SCAMP1: variants seen among roughly 807,000 people sequenced by gnomAD.
SCAMP1 encodes secretory carrier membrane protein 1.
In SCAMP1, 15 loss-of-function variants were observed where a neutral mutation model predicts 41.8. The observed-to-expected ratio is 0.36, with a 90% CI of 0.24 to 0.55. The LOEUF (loss-of-function observed/expected upper bound fraction) is 0.55, where lower values mean the gene tolerates loss of function less well. Among genes scored for constraint, SCAMP1 ranks in the 20% least tolerant of loss-of-function variants. The pLI, the probability that SCAMP1 is intolerant of heterozygous loss-of-function variation, is 0.86. For missense variants in SCAMP1, 341 were observed against 412.6 expected (o/e 0.83, Z 1.50); for synonymous variants, 135 against 136.8 (o/e 0.99, Z 0.09).
chr5:78,463,904 C>T (rs1456861164), intron 8 of SCAMP1, among the ~76,000 whole-genome samples: 2 of 151,466 alleles, frequency 1.3e-5, no homozygotes, highest in African/African-American at 4.9e-5. Flanking sequence ...TGAATACCTA[C>T]TAATGAGATG....
intron 6 of SCAMP1, 41 bp from the exon 7 acceptor site, chr5:78,449,892 C>T (rs751805066): frequency 8.8e-7 from 1 of 1,138,984 alleles, no homozygotes; most frequent in African/African-American, 1.6e-5. Context: ...TTTCTCTCCC[C>T]CTAACCCCCT....
At chr5:78,459,455 A>G (rs1753527261) in intron 8 of SCAMP1, 93 bp downstream of exon 8, 1 of 657,840 alleles carries the variant, frequency 1.5e-6, no homozygotes, top group Non-Finnish European at 2.7e-6. Context: ...ACCTGAAGCC[A>G]TTTTATCGTT....
intron 2 of SCAMP1, among the ~76,000 whole-genome samples, chr5:78,403,950 CAAAAAAAAAAAAAAA>C (rs61249151): frequency 4.1e-5 from 2 of 49,346 alleles, no homozygotes; most frequent in African/African-American, 8.2e-5. Flanking sequence ...GACTCTGTCT[CAAAAAAAAAAAAAAA>C]AAAAAAAAAA....
intron 2 of SCAMP1, among the ~76,000 whole-genome samples, chr5:78,410,111 CTT>C (rs1471931122): frequency 7.4e-6 from 1 of 135,484 alleles, no homozygotes; most frequent in Non-Finnish European, 1.6e-5. Flanking sequence ...GCCGGGAACT[CTT>C]TTTCTTTTTT....
intron 6 of SCAMP1, among the ~76,000 whole-genome samples, chr5:78,437,674 CT>C (rs1421399214): frequency 6.6e-6 from 1 of 152,076 alleles, no homozygotes; most frequent in South Asian, 2.1e-4. Flanking sequence ...CTAAAATTCT[CT>C]TTTTTTGTGT....
At chr5:78,461,527 G>A (rs1440978056) in intron 8 of SCAMP1, among the ~76,000 whole-genome samples, 2 of 152,118 alleles carry the variant, frequency 1.3e-5, no homozygotes, top group Non-Finnish European at 2.9e-5. Flanking sequence ...CGATTGGTCT[G>A]TTTTTGTACT....
chr5:78,371,073 T>C lies in SCAMP1; in HGVS notation c.57+10345T>C, dbSNP rs544206378. ...TTTATATATCCTGGATACATACCTT[T>C]ATCAGGTATGTGATTTGTGACTTTT... On this transcript the variant is annotated intron_variant, in intron 1 of 8. Coordinates refer to ENST00000621999, the MANE Select transcript of SCAMP1 (RefSeq NM_004866.6). Among the ~76,000 whole-genome samples, 8 of 152,326 alleles carry C rather than the reference T, an allele frequency of 5.3e-5. No individual in the cohort carries two copies. The East Asian group carries it at 1.3e-3, about 26-fold the overall frequency.
chr5:78,429,814 T>C (rs1428209520), intron 6 of SCAMP1, among the ~76,000 whole-genome samples: 1 of 152,054 alleles, frequency 6.6e-6, no homozygotes, highest in African/African-American at 2.4e-5. Context: ...ACTTCCTCAT[T>C]CTGTCATGCT....
At chr5:78,450,316 T>C (rs1352507831) in intron 7 of SCAMP1, among the ~76,000 whole-genome samples, 2 of 151,992 alleles carry the variant, frequency 1.3e-5, no homozygotes, top group Admixed American at 1.3e-4. Context: ...GAGACTGAGG[T>C]GGTCAGAGAG....
intron 6 of SCAMP1, among the ~76,000 whole-genome samples, chr5:78,424,546 A>G (rs548427723): frequency 1.2e-4 from 19 of 152,262 alleles, no homozygotes; most frequent in East Asian, 3.9e-4. Flanking sequence ...CCTGGCCAAC[A>G]TGGTGAAACT....
intron 1 of SCAMP1, among the ~76,000 whole-genome samples, chr5:78,365,496 A>AAAG (rs1750773122): frequency 6.6e-6 from 1 of 151,304 alleles, no homozygotes; most frequent in African/African-American, 2.4e-5. Flanking sequence ...AAAAAAAAAA[A>AAAG]AAGTTCTGTT....
chr5:78,418,234 C>T (rs1752256841), intron 4 of SCAMP1, among the ~76,000 whole-genome samples: 1 of 151,796 alleles, frequency 6.6e-6, no homozygotes, highest in African/African-American at 2.4e-5. Context: ...TATTTTTTCC[C>T]AGATTTTGAG....
At chr5:78,472,027 G>A (rs773221179) in intron 8 of SCAMP1, among the ~76,000 whole-genome samples, 2 of 151,880 alleles carry the variant, frequency 1.3e-5, no homozygotes, top group Non-Finnish European at 2.9e-5. Context: ...TAGTATTTAA[G>A]TTGTTTAATT....
At chr5:78,443,311 C>T (rs1752973850) in intron 6 of SCAMP1, among the ~76,000 whole-genome samples, 1 of 151,794 alleles carries the variant, frequency 6.6e-6, no homozygotes, top group Non-Finnish European at 1.5e-5. Context: ...ATTATTTGAC[C>T]TCTCTAAATC....
intron 1 of SCAMP1, among the ~76,000 whole-genome samples, chr5:78,372,483 A>C (rs1344882947): frequency 6.6e-6 from 1 of 152,172 alleles, no homozygotes; most frequent in Admixed American, 6.6e-5. Flanking sequence ...TCAGGGATTC[A>C]TCCCCTGCTA....
At chr5:78,460,081 A>G (rs779708242) in intron 8 of SCAMP1, among the ~76,000 whole-genome samples, 17 of 152,250 alleles carry the variant, frequency 1.1e-4, no homozygotes, top group Non-Finnish European at 2.1e-4. Flanking sequence ...TACGAAGGAC[A>G]TAATTTCATT....
Position 78,478,140 on chromosome 5 carries a change from G to C in SCAMP1, c.*2472G>C, listed in dbSNP as rs965297847. On this transcript the variant is annotated 3_prime_UTR_variant, in exon 9 of 9. Coordinates refer to ENST00000621999, the MANE Select transcript of SCAMP1 (RefSeq NM_004866.6). ...ATATTTTGTCAGTAACTAATACTGC[G>C]CTGCCATCATGGTGACTGTCATGGT... 6.6e-6 allele frequency: 1 copy of C among 152,504 alleles called. No individual in the cohort carries two copies. The highest frequency in any genetic ancestry group is 6.5e-5 in the Admixed American group (1 of 15,268). The allele number at this position is 152,504 out of a possible 1,614,324, so 9.4% of individuals were successfully genotyped here.
chr5:78,429,515 C>T (rs1365459138), intron 6 of SCAMP1, among the ~76,000 whole-genome samples: 5 of 151,994 alleles, frequency 3.3e-5, no homozygotes, highest in Admixed American at 6.6e-5. Flanking sequence ...GCATTTCTGG[C>T]ATACTTTCCA....
intron 8 of SCAMP1, among the ~76,000 whole-genome samples, chr5:78,460,375 G>C (rs1753553746): frequency 6.6e-6 from 1 of 152,152 alleles, no homozygotes; most frequent in Non-Finnish European, 1.5e-5. Flanking sequence ...CCCGTCAACG[G>C]TATATAAGCA....
Sources: gnomAD v4.1 joint callset for allele counts (sites outside exome capture counted in the v4.1 genomes callset) on GRCh38, gnomAD v4.1.1 for gene constraint, MANE v1.5 for transcripts, NCBI Gene and HGNC (gene_info 2026-07-23, HGNC 2026-07-21) for gene names.